The following CFDP1 variants were observed in gnomAD, a reference collection of about 807,000 sequenced individuals.
CFDP1 encodes chromatin remodeling protein CFDP1.
In CFDP1, 31 loss-of-function variants were observed where a neutral mutation model predicts 40.1. The ratio of observed to expected loss-of-function variants is 0.77; its 90% confidence interval spans 0.58 to 1.04. CFDP1 has a LOEUF of 1.04. Among genes scored for constraint, CFDP1 ranks in the 50% least tolerant of loss-of-function variants. The probability of loss-of-function intolerance (pLI) is 0.00; values close to 1 mark genes in which losing one functional copy is unlikely to be tolerated. For missense variants in CFDP1, 423 were observed against 343.4 expected, an observed-to-expected ratio of 1.23 and a Z score of -1.83; for synonymous variants, 167 against 120.0, an observed-to-expected ratio of 1.39 and a Z score of -2.56.
chr16:75,311,710 G>C (rs1209569997), intron 5 of CFDP1, among the ~76,000 whole-genome samples: 1 of 151,676 alleles, frequency 6.6e-6, no homozygotes, highest in African/African-American at 2.4e-5. Context: ...TTCTTTGGCA[G>C]AGATATGCAG....
In CFDP1 at chr16:75,305,012, A is replaced by G; in HGVS notation, c.809+12T>C. Reference sequence around the variant, plus strand: ...GAGGATTTTCCAAGGCATAAAACCTACTCCTTCTTACCCCTCTTTCCCTCG... The same window carrying G: ...GAGGATTTTCCAAGGCATAAAACCTGCTCCTTCTTACCCCTCTTTCCCTCG... On this transcript the variant is annotated intron_variant, in intron 6 of 6. Transcript: ENST00000283882. 6.3e-7 allele frequency: 1 copy of G among 1,584,010 alleles called. No homozygotes were observed. Among genetic ancestry groups the G allele is most frequent in the Non-Finnish European group, 8.7e-7 (1 of 1,153,418 alleles).
intron 4 of CFDP1, among the ~76,000 whole-genome samples, chr16:75,399,920 G>A (rs909842389): frequency 2.0e-5 from 3 of 151,956 alleles, no homozygotes; most frequent in Non-Finnish European, 4.4e-5. Context: ...TGATCAACAT[G>A]GAGAAACCCC....
intron 5 of CFDP1, among the ~76,000 whole-genome samples, chr16:75,352,493 G>C: frequency 6.6e-6 from 1 of 152,036 alleles, no homozygotes; most frequent in Non-Finnish European, 1.5e-5. Flanking sequence ...ATGAAGAAAT[G>C]ATAAAATTAG....
chr16:75,364,756 A>G (rs1342073527), intron 5 of CFDP1, among the ~76,000 whole-genome samples: 2 of 152,252 alleles, frequency 1.3e-5, no homozygotes, highest in Admixed American at 6.5e-5. Context: ...TTATTTGAAA[A>G]TAAGTTAATG....
intron 6 of CFDP1, among the ~76,000 whole-genome samples, chr16:75,303,608 C>A (rs1210175558): frequency 6.7e-6 from 1 of 150,130 alleles, no homozygotes; most frequent in Admixed American, 6.7e-5. Flanking sequence ...GCAGGAGGAT[C>A]GTTTGAGCCC....
intron 5 of CFDP1, among the ~76,000 whole-genome samples, chr16:75,312,954 A>C (rs963950642): frequency 6.6e-6 from 1 of 152,188 alleles, no homozygotes; most frequent in Non-Finnish European, 1.5e-5. Context: ...CTGAAGTGAC[A>C]GTGAAATGGA....
At chr16:75,392,168 G>A (rs1192367061) in intron 5 of CFDP1, among the ~76,000 whole-genome samples, 1 of 152,014 alleles carries the variant, frequency 6.6e-6, no homozygotes, top group East Asian at 1.9e-4. Flanking sequence ...CACTTTGGGA[G>A]GCTGAAGGGG....
Position 75,407,682 on chromosome 16 carries a change from G to A in CFDP1, c.530+4143C>T, listed in dbSNP as rs796120719. Among the ~76,000 whole-genome samples the A allele has an allele frequency of 2.8e-3, 387 of 139,108 alleles. 2 individuals are homozygous for A. The highest frequency in any genetic ancestry group is 8.4e-3 in the African/African-American group (324 of 38,444). 91.3% of individuals were successfully genotyped at this position (139,108 alleles called of 152,430 possible). The stretch of plus-strand genomic sequence containing the variant: ...AAAAAAAAAAAAAAAAGAAAAAAAA[G>A]AATTCATGTATAGGAAATTTGGGCT... On this transcript the variant is annotated intron_variant, in intron 4 of 6. Transcript: ENST00000283882.
intron 1 of CFDP1, among the ~76,000 whole-genome samples, chr16:75,419,699 GC>G (rs2079254835): frequency 6.6e-6 from 1 of 152,240 alleles, no homozygotes; most frequent in Admixed American, 6.5e-5. Flanking sequence ...AAAACAGTCT[GC>G]CGTAAAGAAG....
At chr16:75,326,553 C>A (rs1438574313) in intron 5 of CFDP1, among the ~76,000 whole-genome samples, 1 of 152,216 alleles carries the variant, frequency 6.6e-6, no homozygotes, top group Non-Finnish European at 1.5e-5. Context: ...AACTTCCTCT[C>A]TCGTTCAGTG....
At chr16:75,401,873 T>C (rs2079058031) in intron 4 of CFDP1, among the ~76,000 whole-genome samples, 1 of 152,226 alleles carries the variant, frequency 6.6e-6, no homozygotes, top group Admixed American at 6.5e-5. Context: ...GGCATGGCCT[T>C]TGCTCTTAAG....
intron 1 of CFDP1, among the ~76,000 whole-genome samples, chr16:75,429,291 C>G (rs78677153): frequency 0.016 from 2,360 of 152,190 alleles, 60 homozygotes; most frequent in African/African-American, 0.053. Context: ...TTATTTCCAA[C>G]CTAGAATTCA....
At chr16:75,295,711 C>G (rs2078177586) in intron 6 of CFDP1, among the ~76,000 whole-genome samples, 1 of 152,142 alleles carries the variant, frequency 6.6e-6, no homozygotes, top group African/African-American at 2.4e-5. Context: ...TGATAAAAGC[C>G]CTTGGGGTCA....
At chr16:75,332,973 A>G (rs2078457939) in intron 5 of CFDP1, among the ~76,000 whole-genome samples, 1 of 151,002 alleles carries the variant, frequency 6.6e-6, no homozygotes, top group South Asian at 2.1e-4. Flanking sequence ...ATGCCCGGCT[A>G]ATTTTTGTAT....
chr16:75,335,704 C>T (rs1291652893), intron 5 of CFDP1, among the ~76,000 whole-genome samples: 1 of 151,976 alleles, frequency 6.6e-6, no homozygotes, highest in East Asian at 1.9e-4. Context: ...CTACAGGCGC[C>T]CGCCACCATG....
chr16:75,422,032 GAA>G (rs901306213), intron 1 of CFDP1, among the ~76,000 whole-genome samples: 2 of 152,164 alleles, frequency 1.3e-5, no homozygotes, highest in African/African-American at 4.8e-5. Flanking sequence ...TAATGACAAG[GAA>G]AAAAGTTTGT....
At position 75,294,006 on chromosome 16, in the gene CFDP1, A is replaced by T; in HGVS notation, c.846T>A (p.Asp282Glu). 3.1e-6 allele frequency: 5 copies of T among 1,614,126 alleles called. No individual in the cohort carries two copies. Among genetic ancestry groups the T allele is most frequent in the Non-Finnish European group, 4.2e-6 (5 of 1,180,008 alleles). Residue 282 changes from aspartate (D) to glutamate (E), a missense_variant, in exon 7 of 7, where the codon GAT becomes GAA. Physicochemically the swap from Asp to Glu is conservative, Grantham distance 45. Transcript: ENST00000283882. ...IERKAFLDRV[D>E]HRQFEIERDL... ...CTCGCTCAATTTCAAACTGCCTGTG[A>T]TCCACTCGGTCAAGGAAGGCTTTCC...
At chr16:75,372,885 G>C (rs188230550) in intron 5 of CFDP1, among the ~76,000 whole-genome samples, 1 of 152,250 alleles carries the variant, frequency 6.6e-6, no homozygotes, top group Admixed American at 6.5e-5. Context: ...GCCTTAGCAA[G>C]GAATATTTTA....
chr16:75,410,665 T>C (rs970391647), intron 4 of CFDP1, among the ~76,000 whole-genome samples: 10 of 151,560 alleles, frequency 6.6e-5, no homozygotes, highest in Admixed American at 5.9e-4. Flanking sequence ...TCCCAGCACT[T>C]TGGGAGGCCG....
Sources: gnomAD v4.1 joint callset for allele counts (sites outside exome capture counted in the v4.1 genomes callset) on GRCh38, gnomAD v4.1.1 for gene constraint, MANE v1.5 for transcripts, NCBI Gene and HGNC (gene_info 2026-07-23, HGNC 2026-07-21) for gene names.